HIBCH: variants seen among roughly 807,000 people sequenced by gnomAD.
HIBCH encodes the protein 3-hydroxyisobutyryl-CoA hydrolase, also known as 3-hydroxyisobutyryl-CoA hydrolase, mitochondrial.
Under a neutral mutation model 58.2 loss-of-function variants are expected in HIBCH, and 50 were observed. The observed-to-expected ratio is 0.86, with a 90% CI of 0.68 to 1.09. HIBCH has a LOEUF of 1.09. Ranked by LOEUF, HIBCH falls within the 50% of genes least tolerant of loss-of-function variation. The probability of loss-of-function intolerance (pLI) is 0.00; values close to 1 mark genes in which losing one functional copy is unlikely to be tolerated. For missense variants in HIBCH, 450 were observed against 449.7 expected, an observed-to-expected ratio of 1.00 and a Z score of -0.01; for synonymous variants, 151 against 146.9, an observed-to-expected ratio of 1.03 and a Z score of -0.20.
In HIBCH at chr2:190,245,971, T is replaced by C. The variant is rs1016608185; in HGVS notation, c.809+183A>G. Among the ~76,000 whole-genome samples, 8 of 132,194 alleles carry C rather than the reference T, an allele frequency of 6.1e-5. No individual in the cohort carries two copies. In the East Asian group the frequency reaches 8.7e-4, roughly 14 times the overall value. The allele number at this position is 132,194 out of a possible 152,430, so 86.7% of individuals were successfully genotyped here. A position where few individuals can be genotyped will look rare whatever the true frequency, so the allele number is the denominator to read the frequency against. ...CACCACTGCACTCCAGCCTGGGGGA[T>C]AGAGCGAGACTCTGTCTCAAAAAAA... On this transcript the variant is annotated intron_variant, in intron 10 of 13. Transcript: ENST00000359678.
At chr2:190,191,409 TACTGGGA>T (rs1231967298) in intron 1 of HIBCH, among the ~76,000 whole-genome samples, 1 of 152,204 alleles carries the variant, frequency 6.6e-6, no homozygotes, top group Non-Finnish European at 1.5e-5. Context: ...CCTCCCAAAA[TACTGGGA>T]TTACAGGCAT....
chr2:190,199,509 C>T (rs1690141179), downstream of HIBCH, among the ~76,000 whole-genome samples: 1 of 152,044 alleles, frequency 6.6e-6, no homozygotes. Flanking sequence ...AAAAAGTTTT[C>T]CTATTTTGCA....
chr2:190,292,272 A>T lies in HIBCH; in HGVS notation c.305-1787T>A, dbSNP rs74270993. Among the ~76,000 whole-genome samples, 42 of 151,930 alleles carry T rather than the reference A, an allele frequency of 2.8e-4. No individual in the cohort carries two copies. The East Asian group carries it at 7.2e-3, about 26-fold the overall frequency. ...TAGAATTCTGATATCTCTTCCTTCA[A>T]AATGTTCCATATGTCGACTTCTTTT... On this transcript the variant is annotated intron_variant, in intron 4 of 13. Transcript: ENST00000359678.
chr2:190,287,705 A>G, intron 5 of HIBCH, 67 bp from the exon 6 acceptor site: 1 of 1,193,174 alleles, frequency 8.4e-7, no homozygotes, highest in Admixed American at 1.8e-5. Flanking sequence ...CTTAAAAAAA[A>G]ACCCACATTA....
chr2:190,267,352 ATGCCC>A (rs1266467797), intron 6 of HIBCH, among the ~76,000 whole-genome samples: 1 of 152,028 alleles, frequency 6.6e-6, no homozygotes, highest in East Asian at 1.9e-4. Context: ...TTACAGGCGC[ATGCCC>A]TGCTAATTTT....
Position 190,258,208 on chromosome 2 carries a change from GA to G in HIBCH, c.517+2947del, listed in dbSNP as rs1348591095. ...TTCACTCTCCTGCCAGCCACGTGAAGATGCACTTGCTTCCCCTTCATCTTTG... is the reference window on the plus strand; with the variant it reads ...TTCACTCTCCTGCCAGCCACGTGAAGTGCACTTGCTTCCCCTTCATCTTTG... On this transcript the variant is annotated intron_variant, in intron 7 of 13. Coordinates refer to ENST00000359678, the MANE Select transcript of HIBCH (RefSeq NM_014362.4). 3.3e-5 allele frequency among the ~76,000 whole-genome samples: 5 copies of G among 152,146 alleles called. No homozygotes were observed. The East Asian group carries it at 7.7e-4, about 23-fold the overall frequency.
At chr2:190,284,820 C>T (rs1424855318) in intron 6 of HIBCH, among the ~76,000 whole-genome samples, 1 of 152,060 alleles carries the variant, frequency 6.6e-6, no homozygotes, top group Non-Finnish European at 1.5e-5. Context: ...GGTCTCTTTT[C>T]ACTTATCTGA....
At chr2:190,316,523 T>C (rs1057233118) in intron 1 of HIBCH, among the ~76,000 whole-genome samples, 1 of 152,200 alleles carries the variant, frequency 6.6e-6, no homozygotes, top group Non-Finnish European at 1.5e-5. Context: ...TCAAGACATT[T>C]CACCTAAAAC....
At chr2:190,234,171 C>T (rs552053991) in intron 11 of HIBCH, among the ~76,000 whole-genome samples, 1 of 152,140 alleles carries the variant, frequency 6.6e-6, no homozygotes, top group Non-Finnish European at 1.5e-5. Flanking sequence ...AACACCACCA[C>T]CACCACCAAA....
Position 190,226,366 on chromosome 2 carries a change from C to T in HIBCH, c.892-13291G>A, listed in dbSNP as rs1433847599. ...ATCCCAGCACTTTGGGAGGTCGAGG[C>T]GGGCAGATCACCTGAGGTCAGGAGT... On this transcript the variant is annotated intron_variant, in intron 11 of 13. Transcript: ENST00000359678. Among the ~76,000 whole-genome samples the T allele has an allele frequency of 4.6e-5, 7 of 152,100 alleles. No individual in the cohort carries two copies. The South Asian group carries it at 1.0e-3, about 22-fold the overall frequency.
chr2:190,215,068 G>A lies in HIBCH; in HGVS notation c.892-1993C>T, dbSNP rs928619503. On this transcript the variant is annotated intron_variant, in intron 11 of 13. Transcript: ENST00000359678. This position sits in a 1 kb window ranked among gnomAD's most constrained non-coding sequence, Gnocchi z 4.4. ...GTTAGGAATTTTAAAAAGGAAATGAGGCCATTCTTGGAAGATCCCCTCGGT... is the reference window on the plus strand; with the variant it reads ...GTTAGGAATTTTAAAAAGGAAATGAAGCCATTCTTGGAAGATCCCCTCGGT... 6.6e-6 allele frequency: 1 copy of A among 151,042 alleles called. No homozygotes were observed. Among genetic ancestry groups the A allele is most frequent in the African/African-American group, 2.5e-5 (1 of 40,774 alleles). The allele number at this position is 151,042 out of a possible 1,614,324, so 9.4% of individuals were successfully genotyped here.
chr2:190,199,810 G>GCCTGGAAGTAGTCTTTGC, downstream of HIBCH: 1 of 1,587,518 alleles, frequency 6.3e-7, no homozygotes, highest in Middle Eastern at 1.7e-4. Context: ...TCTAAAGATG[G>GCCTGGAAGTAGTCTTTGC]CCTGGAAGTA....
chr2:190,245,989 C>CAAAAAAA (rs527873173), intron 10 of HIBCH, among the ~76,000 whole-genome samples, 165 bp downstream of exon 10: 2 of 60,260 alleles, frequency 3.3e-5, no homozygotes, highest in Admixed American at 3.5e-4. Context: ...GACTCTGTCT[C>CAAAAAAA]AAAAAAAAAA....
At chr2:190,226,078 C>T (rs1200271017) in intron 11 of HIBCH, among the ~76,000 whole-genome samples, 4 of 152,148 alleles carry the variant, frequency 2.6e-5, no homozygotes, top group Non-Finnish European at 4.4e-5. Context: ...TAAAAACTCT[C>T]GATAAACTAG....
Position 190,204,452 on chromosome 2 carries a change from A to C in HIBCH, c.*665T>G, listed in dbSNP as rs796951832. On this transcript the variant is annotated 3_prime_UTR_variant, in exon 14 of 14. Transcript: ENST00000359678. ...TTTTAGGGAAGACCAAGTCTGAGTT[A>C]ATACTGAAGAGGGACGTTAATAAAA... 1.1e-4 allele frequency: 17 copies of C among 152,304 alleles called. No homozygotes were observed. Among genetic ancestry groups the C allele is most frequent in the African/African-American group, 4.1e-4 (17 of 41,582 alleles). The allele number at this position is 152,304 out of a possible 1,614,324, so 9.4% of individuals were successfully genotyped here.
At chr2:190,256,566 C>T (rs1483133081) in intron 7 of HIBCH, among the ~76,000 whole-genome samples, 2 of 150,958 alleles carry the variant, frequency 1.3e-5, no homozygotes, top group Non-Finnish European at 2.9e-5. Context: ...CAAAAATATC[C>T]AGCACCCGAC....
intron 13 of HIBCH, among the ~76,000 whole-genome samples, chr2:190,208,520 T>C (rs564308038): frequency 7.9e-5 from 12 of 152,362 alleles, no homozygotes; most frequent in African/African-American, 2.9e-4. Context: ...AGACTGATCT[T>C]CCTTTTCATA....
intron 6 of HIBCH, among the ~76,000 whole-genome samples, chr2:190,263,685 T>C (rs1687155538): frequency 6.6e-6 from 1 of 152,220 alleles, no homozygotes; most frequent in Non-Finnish European, 1.5e-5. Flanking sequence ...ACATCAAAAG[T>C]AAATCTCTTG....
At chr2:190,200,201 G>T, downstream of HIBCH, 3 of 1,488,876 alleles carry the variant, frequency 2.0e-6, 1 homozygote, top group South Asian at 3.6e-5. Flanking sequence ...GAATAAATGT[G>T]ACAAAAGCAA....
Sources: allele counts gnomAD v4.1 joint callset (sites outside exome capture counted in the v4.1 genomes callset), GRCh38; gene constraint gnomAD v4.1.1; non-coding constraint Gnocchi (gnomAD v3.1); transcripts MANE v1.5; gene names NCBI Gene and HGNC (gene_info 2026-07-23, HGNC 2026-07-21).